Variants in CCDC148 observed in about 807,000 individuals in gnomAD.
CCDC148 encodes coiled-coil domain containing 148.
In CCDC148, 89 loss-of-function variants were observed where a neutral mutation model predicts 85.7. The observed-to-expected ratio is 1.04, with a 90% CI of 0.87 to 1.24. The LOEUF is 1.24. Among genes scored for constraint, CCDC148 ranks in the 50% most tolerant of loss-of-function variants. The pLI, the probability that CCDC148 is intolerant of heterozygous loss-of-function variation, is 0.00. For synonymous variants in CCDC148, 230 were observed against 213.9 expected (o/e 1.08, Z -0.66); for missense variants, 692 against 671.7 (o/e 1.03, Z -0.33).
intron 9 of CCDC148, among the ~76,000 whole-genome samples, chr2:158,273,457 A>T (rs560881132): frequency 2.0e-5 from 3 of 152,128 alleles, no homozygotes; most frequent in Non-Finnish European, 4.4e-5. Flanking sequence ...TCTGGGGTGT[A>T]ACAGAAGATA....
rs146262435 is a variant in CCDC148 at position 158,176,767 on chromosome 2, G to A, written c.1489-106C>T. ...ATTAAAGTTAAGAAATTTTATTAAAGGTAAAGCCTGAGAGGAAAGGGCAGA... is the reference window on the plus strand; with the variant it reads ...ATTAAAGTTAAGAAATTTTATTAAAAGTAAAGCCTGAGAGGAAAGGGCAGA... On this transcript the variant is annotated intron_variant, in intron 12 of 13. Transcript: ENST00000283233. 6.1e-6 allele frequency: 8 copies of A among 1,302,396 alleles called. No individual in the cohort carries two copies. In the African/African-American group the frequency reaches 1.2e-4, roughly 20 times the overall value. 80.7% of individuals were successfully genotyped at this position (1,302,396 alleles called of 1,614,324 possible). A position where few individuals can be genotyped will look rare whatever the true frequency, so the allele number is the denominator to read the frequency against.
At position 158,179,307 on chromosome 2, in the gene CCDC148, C is replaced by T. The variant is rs540330323; in HGVS notation, c.1371-311G>A. ...CCGAGTAGCTGGGATTACAGGTACC[C>T]GCCACCATGCCCAGCTAATTTTTGT... On this transcript the variant is annotated intron_variant, in intron 11 of 13. Coordinates refer to ENST00000283233, the MANE Select transcript of CCDC148 (RefSeq NM_138803.4). Among the ~76,000 whole-genome samples, 25 of 150,812 alleles carry T rather than the reference C, an allele frequency of 1.7e-4. No individual in the cohort carries two copies. In the South Asian group the frequency reaches 3.4e-3, roughly 20 times the overall value.
chr2:158,313,805 T>TA lies in CCDC148; in HGVS notation c.853dup (p.Tyr285LeufsTer14). 1 of 1,614,068 alleles carries TA rather than the reference T, an allele frequency of 6.2e-7. No individual in the cohort carries two copies. Among genetic ancestry groups the TA allele is most frequent in the Non-Finnish European group, 8.5e-7 (1 of 1,179,956 alleles). Reference sequence around the variant, plus strand: ...AAAATATCTTTGTAACATGTCCAGATACAGAGTCCTTCTTCCAAAGAGATC... The same window carrying TA: ...AAAATATCTTTGTAACATGTCCAGATAACAGAGTCCTTCTTCCAAAGAGATC... On this transcript the variant is annotated frameshift_variant, in exon 8 of 14. Coordinates refer to ENST00000283233, the MANE Select transcript of CCDC148 (RefSeq NM_138803.4). LOFTEE classifies it high-confidence loss of function.
At chr2:158,307,765 A>G (rs1194444414) in intron 9 of CCDC148, among the ~76,000 whole-genome samples, 1 of 152,238 alleles carries the variant, frequency 6.6e-6, no homozygotes, top group Non-Finnish European at 1.5e-5. Context: ...GATGAATCCA[A>G]GAAGTACAAA....
Position 158,180,219 on chromosome 2 carries a change from A to C in CCDC148, c.1371-1223T>G, listed in dbSNP as rs1289039894. On this transcript the variant is annotated intron_variant, in intron 11 of 13. Coordinates refer to ENST00000283233, the MANE Select transcript of CCDC148 (RefSeq NM_138803.4). The stretch of plus-strand genomic sequence containing the variant: ...TGGAGACACCTTCACTAGACCTTTT[A>C]CATTCTGGATTCTGGTATTTACTGC... 6.6e-4 allele frequency among the ~76,000 whole-genome samples: 101 copies of C among 152,158 alleles called. 2 individuals are homozygous for C. Among genetic ancestry groups the C allele is most frequent in the Admixed American group, 6.6e-3 (101 of 15,264 alleles).
At chr2:158,325,796 T>C (rs989224845) in intron 7 of CCDC148, among the ~76,000 whole-genome samples, 1 of 152,180 alleles carries the variant, frequency 6.6e-6, no homozygotes. Context: ...TTTGGAACTA[T>C]TCTTGTTGCT....
intron 7 of CCDC148, among the ~76,000 whole-genome samples, chr2:158,315,525 A>AT (rs1692236249): frequency 6.6e-6 from 1 of 152,086 alleles, no homozygotes; most frequent in African/African-American, 2.4e-5. Context: ...TTGATTATAA[A>AT]TGTGGATGTA....
At chr2:158,372,825 C>T (rs1684503117) in intron 1 of CCDC148, among the ~76,000 whole-genome samples, 1 of 152,066 alleles carries the variant, frequency 6.6e-6, no homozygotes, top group South Asian at 2.1e-4. Flanking sequence ...ACTCTTGACT[C>T]TCTAACCCCT....
intron 11 of CCDC148, among the ~76,000 whole-genome samples, chr2:158,217,781 T>C (rs1686967361): frequency 6.6e-6 from 1 of 152,162 alleles, no homozygotes; most frequent in Non-Finnish European, 1.5e-5. Context: ...TTTCAAACCC[T>C]CAAGGATATG....
chr2:158,241,215 G>A (rs1915812), intron 10 of CCDC148, among the ~76,000 whole-genome samples: 147,580 of 152,342 alleles, frequency 0.97, 71,575 homozygotes, highest in East Asian at 1. Flanking sequence ...ATATATTTGC[G>A]TATGCATATA....
chr2:158,374,217 G>A (rs922813605), intron 1 of CCDC148, among the ~76,000 whole-genome samples: 6 of 152,044 alleles, frequency 3.9e-5, no homozygotes, highest in Admixed American at 3.9e-4. Context: ...CTGGCTCTAA[G>A]TTCACATTAA....
chr2:158,278,481 A>G (rs1690076231), intron 9 of CCDC148, among the ~76,000 whole-genome samples: 1 of 152,176 alleles, frequency 6.6e-6, no homozygotes, highest in South Asian at 2.1e-4. Context: ...TATATCCTGC[A>G]CCTGGCTGGG....
At chr2:158,338,631 A>G (rs1344900566) in intron 7 of CCDC148, 95 bp downstream of exon 7, 2 of 796,310 alleles carry the variant, frequency 2.5e-6, no homozygotes, top group Admixed American at 3.2e-5. Flanking sequence ...CCAGTTACAT[A>G]GTAACTATAC....
chr2:158,405,542 G>A (rs1008984984), intron 1 of CCDC148, among the ~76,000 whole-genome samples: 3 of 146,256 alleles, frequency 2.1e-5, no homozygotes, highest in South Asian at 4.2e-4. Flanking sequence ...CCAGATTTTC[G>A]CTGAATTTGC....
chr2:158,281,041 G>C lies in CCDC148; in HGVS notation c.1110+28392C>G, dbSNP rs188305266. Among the ~76,000 whole-genome samples, 63 of 152,266 alleles carry C rather than the reference G, an allele frequency of 4.1e-4. No individual in the cohort carries two copies. The East Asian group carries it at 0.011, about 28-fold the overall frequency. ...CCTGATTGATTACTGGGTACATAAC[G>C]AAATGGAGTCAGAAATAAAGATGTT... On this transcript the variant is annotated intron_variant, in intron 9 of 13. Transcript: ENST00000283233.
chr2:158,310,612 G>C (rs1691941366), intron 8 of CCDC148, among the ~76,000 whole-genome samples: 1 of 150,836 alleles, frequency 6.6e-6, no homozygotes, highest in Admixed American at 6.6e-5. Context: ...AGACGGGGCG[G>C]CCAGGTAGAG....
intron 9 of CCDC148, 109 bp downstream of exon 9, chr2:158,309,324 G>A (rs1691855324): frequency 1.1e-6 from 1 of 881,558 alleles, no homozygotes; most frequent in African/African-American, 1.7e-5. Flanking sequence ...ATTAAAGGTA[G>A]GCTTTTGTTT....
At chr2:158,252,031 A>G (rs1436655924) in intron 9 of CCDC148, among the ~76,000 whole-genome samples, 8 of 151,808 alleles carry the variant, frequency 5.3e-5, no homozygotes, top group African/African-American at 1.7e-4. Flanking sequence ...ATCCATGTAT[A>G]CATCTGGCTA....
rs1684852404 is a variant in CCDC148, at chr2:158,180,640, AG to A, written c.1371-1645del. ...AGCTCAGGGTGGCAAGAACAGAACA[AG>A]TGAATGATGAGTGACAGAGAAGCCC... On this transcript the variant is annotated intron_variant, in intron 11 of 13. Coordinates refer to ENST00000283233, the MANE Select transcript of CCDC148 (RefSeq NM_138803.4). Among the ~76,000 whole-genome samples, 3 of 152,206 alleles carry A rather than the reference AG, an allele frequency of 2.0e-5. No homozygotes were observed. The South Asian group carries it at 6.2e-4, about 32-fold the overall frequency.
Sources: allele counts gnomAD v4.1 joint callset (sites outside exome capture counted in the v4.1 genomes callset), GRCh38; gene constraint gnomAD v4.1.1; transcripts MANE v1.5; gene names NCBI Gene and HGNC (gene_info 2026-07-23, HGNC 2026-07-21).